Variants in MSRA observed in about 807,000 individuals in gnomAD.
The protein encoded by MSRA is methionine sulfoxide reductase A.
A neutral mutation model predicts 31.3 loss-of-function variants in MSRA; 54 were observed. That is an observed-to-expected ratio of 1.73 (90% CI 1.39 to 2.17). MSRA has a LOEUF of 2.17. Ranked by LOEUF, MSRA falls within the 30% of genes most tolerant of loss-of-function variation. The pLI, the probability that MSRA is intolerant of heterozygous loss-of-function variation, is 0.00. For synonymous variants in MSRA, 169 were observed against 116.5 expected (o/e 1.45, Z -2.90); for missense variants, 507 against 300.9 (o/e 1.69, Z -5.07).
At chr8:10,177,577 C>A (rs192442460) in intron 1 of MSRA, among the ~76,000 whole-genome samples, 2 of 152,230 alleles carry the variant, frequency 1.3e-5, no homozygotes, top group Admixed American at 1.3e-4. Flanking sequence ...GTTTCATATG[C>A]TATATCAGAA....
At chr8:10,058,725 G>A (rs1378824911) in intron 1 of MSRA, among the ~76,000 whole-genome samples, 2 of 152,242 alleles carry the variant, frequency 1.3e-5, no homozygotes, top group East Asian at 1.9e-4. Context: ...CGAGGAGTGA[G>A]AACAGCCTAG....
chr8:10,315,830 A>G (rs1478645407), intron 4 of MSRA, among the ~76,000 whole-genome samples: 1 of 152,234 alleles, frequency 6.6e-6, no homozygotes, highest in Non-Finnish European at 1.5e-5. Context: ...ACAGACATGG[A>G]GTCCCAAAAG....
intron 1 of MSRA, among the ~76,000 whole-genome samples, chr8:10,159,302 G>C (rs1804438609): frequency 6.6e-6 from 1 of 152,220 alleles, no homozygotes; most frequent in Non-Finnish European, 1.5e-5. Context: ...GTGGAGAGTG[G>C]TGTGTGCAGA....
chr8:10,137,635 C>G (rs551991207), intron 1 of MSRA, among the ~76,000 whole-genome samples: 1 of 152,172 alleles, frequency 6.6e-6, no homozygotes, highest in Non-Finnish European at 1.5e-5. Context: ...GGTTTTCAAA[C>G]TTGTCTAAAG....
At chr8:10,306,305 A>C (rs1585420212) in intron 4 of MSRA, among the ~76,000 whole-genome samples, 1 of 152,330 alleles carries the variant, frequency 6.6e-6, no homozygotes, top group Admixed American at 6.5e-5. Context: ...TAAATAAAAT[A>C]GTGTGAAAAT....
At chr8:10,323,883 G>A (rs1802207692) in intron 5 of MSRA, among the ~76,000 whole-genome samples, 1 of 152,032 alleles carries the variant, frequency 6.6e-6, no homozygotes, top group South Asian at 2.1e-4. Context: ...TTAGTATCCC[G>A]ATAGCCATTG....
At chr8:10,113,717 G>T (rs1307657294) in intron 1 of MSRA, among the ~76,000 whole-genome samples, 1 of 151,884 alleles carries the variant, frequency 6.6e-6, no homozygotes, top group African/African-American at 2.4e-5. Context: ...CAATCTGTGA[G>T]TTCAGGAGAT....
At chr8:10,237,637 C>G (rs772709954) in intron 2 of MSRA, among the ~76,000 whole-genome samples, 1 of 152,218 alleles carries the variant, frequency 6.6e-6, no homozygotes, top group African/African-American at 2.4e-5. Context: ...CTCATTAAAA[C>G]TAGCCTGATT....
chr8:10,176,503 C>T (rs767649431), intron 1 of MSRA, among the ~76,000 whole-genome samples: 6 of 152,304 alleles, frequency 3.9e-5, no homozygotes, highest in Middle Eastern at 6.8e-3. Context: ...TCAGGAGCTC[C>T]TTTGTTTCCT....
chr8:10,131,757 C>G (rs1007057084), intron 1 of MSRA, among the ~76,000 whole-genome samples: 3 of 152,204 alleles, frequency 2.0e-5, no homozygotes, highest in East Asian at 3.9e-4. Context: ...ACTGGGGACT[C>G]TGTCGCTGCC....
rs1197848169 is a variant in MSRA at position 10,428,650 on chromosome 8, T to G, written c.*338T>G. The G allele has an allele frequency of 3.4e-6, 1 of 295,982 alleles. No homozygotes were observed. Among genetic ancestry groups the G allele is most frequent in the East Asian group, 1.2e-4 (1 of 8,464 alleles). 18.3% of individuals were successfully genotyped at this position (295,982 alleles called of 1,614,324 possible). A position where few individuals can be genotyped will look rare whatever the true frequency, so the allele number is the denominator to read the frequency against. On this transcript the variant is annotated 3_prime_UTR_variant, in exon 6 of 6. Coordinates refer to ENST00000317173, the MANE Select transcript of MSRA (RefSeq NM_012331.5). ...TGGACAGGATGGGGGACCCCAGAAG[T>G]CCTTTATCTGTGCTCTCTGCCCGCC...
intron 5 of MSRA, among the ~76,000 whole-genome samples, chr8:10,369,188 T>C (rs1022230890): frequency 6.6e-6 from 1 of 151,948 alleles, no homozygotes; most frequent in Admixed American, 6.6e-5. Flanking sequence ...TTATATTAAG[T>C]ATTAAAAACT....
intron 5 of MSRA, among the ~76,000 whole-genome samples, chr8:10,385,068 G>T (rs1383539494): frequency 1.3e-5 from 2 of 152,200 alleles, no homozygotes; most frequent in African/African-American, 4.8e-5. Context: ...GTGGGGAAGA[G>T]AATTCAGGCT....
chr8:10,191,242 C>CT (rs1264472274), intron 1 of MSRA, among the ~76,000 whole-genome samples: 1 of 152,168 alleles, frequency 6.6e-6, no homozygotes, highest in Non-Finnish European at 1.5e-5. Context: ...ACCCCACCAT[C>CT]TTTTTACTTC....
intron 5 of MSRA, among the ~76,000 whole-genome samples, chr8:10,365,034 A>C (rs1805075907): frequency 6.6e-6 from 1 of 151,920 alleles, no homozygotes; most frequent in Non-Finnish European, 1.5e-5. Flanking sequence ...CCCACCTTTG[A>C]ATATCTCATG....
At chr8:10,342,731 A>T (rs1380839991) in intron 5 of MSRA, among the ~76,000 whole-genome samples, 1 of 152,160 alleles carries the variant, frequency 6.6e-6, no homozygotes, top group Non-Finnish European at 1.5e-5. Flanking sequence ...CAATGCTCCC[A>T]AGCTCACACA....
chr8:10,374,279 T>G (rs1585617404), intron 5 of MSRA, among the ~76,000 whole-genome samples: 1 of 152,186 alleles, frequency 6.6e-6, no homozygotes, highest in African/African-American at 2.4e-5. Context: ...AGGAGAAAAC[T>G]GTGATTCTCC....
chr8:10,379,076 A>C (rs1421048774), intron 5 of MSRA, among the ~76,000 whole-genome samples: 2 of 152,038 alleles, frequency 1.3e-5, no homozygotes, highest in Non-Finnish European at 2.9e-5. Flanking sequence ...CCATTGCTTC[A>C]TAACCTTCAT....
intron 3 of MSRA, among the ~76,000 whole-genome samples, chr8:10,280,566 G>A (rs932536493): frequency 6.6e-6 from 1 of 152,186 alleles, no homozygotes; most frequent in South Asian, 2.1e-4. Flanking sequence ...ATACACTGCT[G>A]GTATGAAGGG....
Sources: allele counts gnomAD v4.1 joint callset (sites outside exome capture counted in the v4.1 genomes callset), GRCh38; gene constraint gnomAD v4.1.1; transcripts MANE v1.5; gene names NCBI Gene and HGNC (gene_info 2026-07-23, HGNC 2026-07-21).